SHANK2: variants seen among roughly 807,000 people sequenced by gnomAD.
SHANK2 encodes the protein SH3 and multiple ankyrin repeat domains 2.
SHANK2 carries 43 observed loss-of-function variants against 133.7 expected under a neutral mutation model. The observed-to-expected ratio is 0.32, with a 90% confidence interval of 0.25 to 0.41. SHANK2 has a LOEUF of 0.41. Ranked by LOEUF, SHANK2 falls within the 10% of genes least tolerant of loss-of-function variation. The pLI is 1.00. For synonymous variants in SHANK2, 1,017 were observed against 952.8 expected (o/e 1.07, Z -1.24); for missense variants, 1,994 against 2,235.8 (o/e 0.89, Z 2.18).
At chr11:71,170,504 G>T (rs1269945219) in intron 2 of SHANK2, among the ~76,000 whole-genome samples, 2 of 152,200 alleles carry the variant, frequency 1.3e-5, no homozygotes, top group African/African-American at 2.4e-5. Context: ...ATTCCCACAT[G>T]ATTTACATTT....
At chr11:70,518,157 G>A (rs10793122) in intron 17 of SHANK2, among the ~76,000 whole-genome samples, 68,882 of 152,174 alleles carry the variant, frequency 0.45, 18,873 homozygotes, top group Non-Finnish European at 0.6. Context: ...TGCTGGCTCC[G>A]AGAGCACCCA....
At chr11:70,827,193 T>G (rs552999204) in intron 11 of SHANK2, among the ~76,000 whole-genome samples, 25 of 151,470 alleles carry the variant, frequency 1.7e-4, no homozygotes, top group Non-Finnish European at 3.5e-4. Context: ...CAAGTGCCCA[T>G]GACTTCTCTG....
rs183103725 is a variant in SHANK2 at position 70,885,099 on chromosome 11, T to A, written c.1174+11402A>T. 2.6e-5 allele frequency among the ~76,000 whole-genome samples: 4 copies of A among 152,270 alleles called. No homozygotes were observed. The East Asian group carries it at 7.7e-4, about 29-fold the overall frequency. On this transcript the variant is annotated intron_variant, in intron 11 of 25. Coordinates refer to ENST00000601538, the MANE Select transcript of SHANK2 (RefSeq NM_012309.5). ...CATTTGAGGATAATGAAGGAGATGT[T>A]ATACAACACTTTTTCTAAGAGAACT...
chr11:71,134,219 G>A (rs1340371752), intron 3 of SHANK2, among the ~76,000 whole-genome samples: 4 of 151,486 alleles, frequency 2.6e-5, no homozygotes, highest in Non-Finnish European at 4.4e-5. Context: ...GTCCACGTGC[G>A]GTGCCACCCC....
chr11:70,589,589 C>T (rs200173485), intron 17 of SHANK2, among the ~76,000 whole-genome samples: 1 of 152,032 alleles, frequency 6.6e-6, no homozygotes, highest in Non-Finnish European at 1.5e-5. Flanking sequence ...ACTTTCAAGC[C>T]TCATATTTAA....
At chr11:71,100,866 C>CAAA (rs781807117) in intron 6 of SHANK2, among the ~76,000 whole-genome samples, 1 of 99,914 alleles carries the variant, frequency 1.0e-5, no homozygotes, top group Non-Finnish European at 2.0e-5. Flanking sequence ...GACTCCGTCT[C>CAAA]AAAAAAAAAA....
At chr11:70,612,788 A>C (rs2060678206) in intron 17 of SHANK2, among the ~76,000 whole-genome samples, 1 of 151,968 alleles carries the variant, frequency 6.6e-6, no homozygotes, top group South Asian at 2.1e-4. Flanking sequence ...TACAGATATC[A>C]TTTTGGCCTT....
intron 17 of SHANK2, among the ~76,000 whole-genome samples, chr11:70,560,625 C>A (rs1244896202): frequency 6.7e-6 from 1 of 150,070 alleles, no homozygotes. Context: ...GATTCCAAGA[C>A]TTTTTTTCGT....
chr11:70,823,698 T>A (rs1948591829), intron 11 of SHANK2, among the ~76,000 whole-genome samples: 1 of 143,584 alleles, frequency 7.0e-6, no homozygotes, highest in Non-Finnish European at 1.5e-5. Context: ...GCAGAACTCA[T>A]GAGGGACAGA....
chr11:70,910,215 G>A (rs1950170563), intron 10 of SHANK2, among the ~76,000 whole-genome samples: 1 of 152,210 alleles, frequency 6.6e-6, no homozygotes, highest in Non-Finnish European at 1.5e-5. Context: ...CTTCAATGCA[G>A]GAATTTAGGG....
chr11:70,613,425 G>A (rs983945130), intron 17 of SHANK2, among the ~76,000 whole-genome samples: 6 of 152,086 alleles, frequency 3.9e-5, no homozygotes, highest in Admixed American at 6.6e-5. Flanking sequence ...GGATGGTCTC[G>A]ATCTCCTGAC....
intron 3 of SHANK2, among the ~76,000 whole-genome samples, chr11:71,138,802 A>AAAAG (rs1555105233): frequency 1.4e-5 from 2 of 141,792 alleles, no homozygotes; most frequent in African/African-American, 6.2e-5. Context: ...AAAAAAAAAA[A>AAAAG]AAAAAGAAAA....
In SHANK2 at chr11:70,492,310, G is replaced by A. The variant is rs375427325; in HGVS notation, c.2439+25C>T. 61 of 1,607,170 alleles carry A rather than the reference G, an allele frequency of 3.8e-5. No homozygotes were observed. The South Asian group carries it at 5.4e-4, about 14-fold the overall frequency. On this transcript the variant is annotated intron_variant, in intron 22 of 25. Coordinates refer to ENST00000601538, the MANE Select transcript of SHANK2 (RefSeq NM_012309.5). ...CTGGGCACCGTCGGCCCCCGCCCTC[G>A]TGGTCCCAAGGTACGGCCACTCACG...
At chr11:71,215,902 T>C (rs1334111634) in intron 2 of SHANK2, among the ~76,000 whole-genome samples, 2 of 152,042 alleles carry the variant, frequency 1.3e-5, no homozygotes, top group East Asian at 3.9e-4. Flanking sequence ...TCAAATCAAA[T>C]CTTTCGAACC....
At chr11:70,643,893 A>G (rs1293310240) in intron 17 of SHANK2, among the ~76,000 whole-genome samples, 3 of 145,506 alleles carry the variant, frequency 2.1e-5, no homozygotes, top group African/African-American at 7.5e-5. Context: ...ATAAACAGGA[A>G]GCCGACTAAG....
At chr11:70,845,214 A>AAAAAAG (rs1565356928) in intron 11 of SHANK2, among the ~76,000 whole-genome samples, 4 of 150,286 alleles carry the variant, frequency 2.7e-5, no homozygotes, top group Non-Finnish European at 4.4e-5. Context: ...AAAAAAAAAA[A>AAAAAAG]AAAAAGAAAA....
At chr11:71,231,449 C>CTG (rs1954739770) in intron 1 of SHANK2, among the ~76,000 whole-genome samples, 2 of 152,166 alleles carry the variant, frequency 1.3e-5, no homozygotes, top group African/African-American at 2.4e-5. Flanking sequence ...GGTGGAAAAC[C>CTG]TGGATCTTAC....
chr11:70,604,745 A>G (rs1003891079), intron 17 of SHANK2: 1 of 152,290 alleles, frequency 6.6e-6, no homozygotes, highest in South Asian at 2.1e-4. Flanking sequence ...AAACAAAACC[A>G]CTGAAGTCTC....
At chr11:70,483,953 C>T (rs2135718581) in intron 25 of SHANK2, among the ~76,000 whole-genome samples, 2 of 152,290 alleles carry the variant, frequency 1.3e-5, no homozygotes, top group East Asian at 3.9e-4. Context: ...GCATCTTGAG[C>T]CCCAGCTGTA....
Sources: allele counts gnomAD v4.1 joint callset (sites outside exome capture counted in the v4.1 genomes callset), GRCh38; gene constraint gnomAD v4.1.1; transcripts MANE v1.5; gene names NCBI Gene and HGNC (gene_info 2026-07-23, HGNC 2026-07-21).